RASGRP4: variants seen among roughly 807,000 people sequenced by gnomAD.
RASGRP4 encodes the protein RAS guanyl-releasing protein 4.
In RASGRP4, 52 loss-of-function variants were observed where a neutral mutation model predicts 84.4. The observed-to-expected ratio is 0.62, with a 90% CI of 0.49 to 0.78. The LOEUF is 0.78. Among genes scored for constraint, RASGRP4 ranks in the 30% least tolerant of loss-of-function variants. The pLI is 0.00. For missense variants in RASGRP4, 760 were observed against 886.9 expected (o/e 0.86, Z 1.82); for synonymous variants, 356 against 359.1 (o/e 0.99, Z 0.10).
At position 38,420,228 on chromosome 19, in the gene RASGRP4, G is replaced by A; in HGVS notation, c.412C>T (p.Gln138Ter). The A allele has an allele frequency of 1.2e-6, 2 of 1,613,176 alleles. No individual in the cohort carries two copies. Among genetic ancestry groups the A allele is most frequent in the Non-Finnish European group, 1.7e-6 (2 of 1,179,562 alleles). The stretch of plus-strand genomic sequence containing the variant: ...ATGACTTCTTCTAGCTGGGGATCCT[G>A]GTGCATCACCTCAGGGTGTCGCATC... ...WLMRHPEVMH[Q>*]DPQLEEVIGR... Residue 138 changes from glutamine (Q) to a stop codon, truncating the protein, a stop_gained, in exon 5 of 17, where the codon CAG becomes TAG. Coordinates refer to ENST00000615439, the MANE Select transcript of RASGRP4 (RefSeq NM_170604.3). LOFTEE classifies it high-confidence loss of function.
In RASGRP4 at chr19:38,413,381, G is replaced by C. The variant is rs752913931; in HGVS notation, c.1311+13C>G. 3.7e-6 allele frequency: 6 copies of C among 1,608,784 alleles called. No individual in the cohort carries two copies. The highest frequency in any genetic ancestry group is 5.1e-6 in the Non-Finnish European group (6 of 1,177,302). ...GTAATTGGGGGAGTCCGAGGCCAGG[G>C]GTTGGGTCTCACCAGGCTCTTGGGA... On this transcript the variant is annotated intron_variant, in intron 10 of 16. Transcript: ENST00000615439. This position sits in a 1 kb window ranked among gnomAD's most constrained non-coding sequence, Gnocchi z 4.7.
At position 38,412,761 on chromosome 19, in the gene RASGRP4, T is replaced by C; in HGVS notation, c.1591A>G (p.Ile531Val). Residue 531 changes from isoleucine (I) to valine (V), a missense_variant, in exon 13 of 17, where the codon ATC (isoleucine) becomes GTC (valine). Coordinates refer to ENST00000615439, the MANE Select transcript of RASGRP4 (RefSeq NM_170604.3). The surrounding 1 kb of genome is among the most constrained non-coding windows in gnomAD (Gnocchi z 4.6). ...AAGGCCAGGCCCAACTTGGAGCAGA[T>C]GGCGCTGGCCCGGAGCAGGTACCCT... ...LTGYLLRASA[I>V]CSKLGLAFLH... 6.2e-7 allele frequency: 1 copy of C among 1,609,886 alleles called. No individual in the cohort carries two copies. The highest frequency in any genetic ancestry group is 8.5e-7 in the Non-Finnish European group (1 of 1,178,112).
In RASGRP4 at chr19:38,412,680, T is replaced by C; in HGVS notation, c.1672A>G (p.Ser558Gly). Residue 558 changes from serine (S) to glycine (G), a missense_variant, in exon 13 of 17, where the codon AGT (serine) becomes GGT (glycine). Physicochemically the swap from Ser to Gly is moderately conservative, Grantham distance 56. Coordinates refer to ENST00000615439, the MANE Select transcript of RASGRP4 (RefSeq NM_170604.3). This position sits in a 1 kb window ranked among gnomAD's most constrained non-coding sequence, Gnocchi z 4.6. ...FRKPTFCDSC[S>G]GFLWGVTKQG... ...TGGGGTGGGGTGCTCACGAAGCCAC[T>C]GCAGCTGTCGCAGAAGGTAGGCTTT... 6.2e-7 allele frequency: 1 copy of C among 1,613,208 alleles called. No homozygotes were observed. Among genetic ancestry groups the C allele is most frequent in the Non-Finnish European group, 8.5e-7 (1 of 1,179,598 alleles).
At position 38,412,598 on chromosome 19, in the gene RASGRP4, G is replaced by T. The variant is rs1600547700; in HGVS notation, c.1680+74C>A. The T allele has an allele frequency of 1.4e-6, 2 of 1,416,706 alleles. No homozygotes were observed. The highest frequency in any genetic ancestry group is 4.6e-5 in the East Asian group (2 of 43,316). The allele number at this position is 1,416,706 out of a possible 1,614,324, so 87.8% of individuals were successfully genotyped here. A position where few individuals can be genotyped will look rare whatever the true frequency, so the allele number is the denominator to read the frequency against. On this transcript the variant is annotated intron_variant, in intron 13 of 16. Transcript: ENST00000615439. This position sits in a 1 kb window ranked among gnomAD's most constrained non-coding sequence, Gnocchi z 4.6. The stretch of plus-strand genomic sequence containing the variant: ...GCTGGAGGATTTCTGGAATTTGGGG[G>T]TTATCTGGGGTTTGCGGACTGCCGG...
At position 38,413,410 on chromosome 19, in the gene RASGRP4, C is replaced by T. The variant is rs757409206; in HGVS notation, c.1295G>A (p.Arg432His). The T allele has an allele frequency of 8.7e-6, 14 of 1,608,566 alleles. No individual in the cohort carries two copies. Among genetic ancestry groups the T allele is most frequent in the East Asian group, 2.2e-5 (1 of 44,688 alleles). The stretch of plus-strand genomic sequence containing the variant: ...GGGTCTCACCAGGCTCTTGGGACAA[C>T]GCGGCTCCCGGGCATAAGAAAGCTC... ...IYELSYAREP[R>H]CPKSLPPSPF... The change falls in exon 10 of 17, where the codon CGT becomes CAT. Residue 432 changes from arginine (R) to histidine (H), a missense_variant. By Grantham distance (29) the Arg-to-His change is conservative (BLOSUM62 0). Transcript: ENST00000615439. This position sits in a 1 kb window ranked among gnomAD's most constrained non-coding sequence, Gnocchi z 4.7.
chr19:38,424,159 A>G lies in RASGRP4; in HGVS notation c.23+1910T>C, dbSNP rs1971885384. Among the ~76,000 whole-genome samples the G allele has an allele frequency of 1.3e-5, 2 of 151,448 alleles. 1 individual carries two copies. The highest frequency in any genetic ancestry group is 3.9e-4 in the East Asian group (2 of 5,094). On this transcript the variant is annotated intron_variant, in intron 1 of 16. Coordinates refer to ENST00000615439, the MANE Select transcript of RASGRP4 (RefSeq NM_170604.3). Reference sequence around the variant, plus strand: ...TTTGGAGACAGGGTCTCACTCTGTCACCCAGGCTGGAGTGCAGTGGTGCGA... The same window carrying G: ...TTTGGAGACAGGGTCTCACTCTGTCGCCCAGGCTGGAGTGCAGTGGTGCGA...
intron 16 of RASGRP4, 71 bp downstream of exon 16, chr19:38,410,815 G>A: frequency 8.9e-7 from 1 of 1,123,782 alleles, no homozygotes. Flanking sequence ...CTCCAAATCT[G>A]TCCAGTCTTC....
Position 38,409,737 on chromosome 19 carries a change from CAAA to C in RASGRP4, c.*300_*302del. The C allele has an allele frequency of 1.7e-5, 3 of 181,192 alleles. No homozygotes were observed. The highest frequency in any genetic ancestry group is 6.9e-5 in the Admixed American group (1 of 14,402). The allele number at this position is 181,192 out of a possible 1,614,324, so 11.2% of individuals were successfully genotyped here. On this transcript the variant is annotated 3_prime_UTR_variant, in exon 17 of 17. Transcript: ENST00000615439. Reference sequence around the variant, plus strand: ...TGGGTGACAGAGCAAGACTCTGTCTCAAAAAAAAAAAGAAATGGAGATGTAGGG... The same window carrying C: ...TGGGTGACAGAGCAAGACTCTGTCTCAAAAAAAAGAAATGGAGATGTAGGG...
rs370210961 is a variant in RASGRP4, at chr19:38,411,157, C to T, written c.1810G>A (p.Gly604Arg). Reference sequence around the variant, plus strand: ...GCTGGTGTGGATGGGACAGGAGCTCCGGGGGGTCCTGCATCGCCCTTGGCC... The same window carrying T: ...GCTGGTGTGGATGGGACAGGAGCTCTGGGGGGTCCTGCATCGCCCTTGGCC... ...PGAKGDAGPP[G>R]APVPSTPAPH... Residue 604 changes from glycine to arginine, a missense_variant, in exon 15 of 17, where the codon GGA (glycine) becomes AGA (arginine). Transcript: ENST00000615439. The T allele has an allele frequency of 2.1e-5, 34 of 1,613,704 alleles. No homozygotes were observed. Among genetic ancestry groups the T allele is most frequent in the East Asian group, 1.8e-4 (8 of 44,898 alleles).
chr19:38,422,581 C>T (rs1971807535), intron 1 of RASGRP4, among the ~76,000 whole-genome samples: 1 of 151,998 alleles, frequency 6.6e-6, no homozygotes. Context: ...ACTTCACATG[C>T]GAGGGATCTA....
In RASGRP4 at chr19:38,415,029, A is replaced by G. The variant is rs745433120; in HGVS notation, c.1049T>C (p.Val350Ala). The change falls in exon 9 of 17, where the codon GTA (valine) becomes GCA (alanine). Residue 350 changes from valine (V) to alanine (A), a missense_variant. Val to Ala is a moderately conservative substitution (Grantham distance 64). Coordinates refer to ENST00000615439, the MANE Select transcript of RASGRP4 (RefSeq NM_170604.3). The stretch of plus-strand genomic sequence containing the variant: ...CAGGTCCTTGAGGTGCACGCCCAGT[A>G]CAGGCAGCCGGAAACCCGCGCAGCC... ...WAGCAGFRLP[V>A]LGVHLKDLVS... 1 of 1,610,462 alleles carries G rather than the reference A, an allele frequency of 6.2e-7. No homozygotes were observed. The highest frequency in any genetic ancestry group is 1.1e-5 in the South Asian group (1 of 90,522).
chr19:38,409,454 C>T lies in RASGRP4; in HGVS notation c.*586G>A, dbSNP rs1040315470. On this transcript the variant is annotated 3_prime_UTR_variant, in exon 17 of 17. Coordinates refer to ENST00000615439, the MANE Select transcript of RASGRP4 (RefSeq NM_170604.3). ...AGGGAGCACATTCTATGCAGAAAAA[C>T]AGGAGCTGGGCGTGGTGGCTCACGC... 1 of 152,158 alleles carries T rather than the reference C, an allele frequency of 6.6e-6. No individual in the cohort carries two copies. The highest frequency in any genetic ancestry group is 2.4e-5 in the African/African-American group (1 of 41,342). The allele number at this position is 152,158 out of a possible 1,614,324, so 9.4% of individuals were successfully genotyped here.
In RASGRP4 at chr19:38,417,183, A is replaced by G. The variant is rs1330052960; in HGVS notation, c.838-15T>C. On this transcript the variant is annotated splice_polypyrimidine_tract_variant and intron_variant, in intron 7 of 16. Coordinates refer to ENST00000615439, the MANE Select transcript of RASGRP4 (RefSeq NM_170604.3). This position sits in a 1 kb window ranked among gnomAD's most constrained non-coding sequence, Gnocchi z 5.1. Reference sequence around the variant, plus strand: ...TGGTGGAGCCTCTAGGAAGAGAAGCATGCACACAGGGCCGTCACGGGAGGG... The same window carrying G: ...TGGTGGAGCCTCTAGGAAGAGAAGCGTGCACACAGGGCCGTCACGGGAGGG... The G allele has an allele frequency of 2.6e-6, 4 of 1,519,248 alleles. No individual in the cohort carries two copies. Among genetic ancestry groups the G allele is most frequent in the South Asian group, 1.2e-5 (1 of 83,436 alleles). The allele number at this position is 1,519,248 out of a possible 1,614,324, so 94.1% of individuals were successfully genotyped here.
chr19:38,422,176 G>A, intron 1 of RASGRP4, 23 bp from the exon 2 acceptor site: 1 of 1,589,042 alleles, frequency 6.3e-7, no homozygotes, highest in Non-Finnish European at 8.6e-7. Flanking sequence ...CCCCCAAGGA[G>A]TCATGGGAGC....
chr19:38,410,947 C>T lies in RASGRP4; in HGVS notation c.1904G>A (p.Cys635Tyr), dbSNP rs751062755. Residue 635 changes from cysteine (C) to tyrosine (Y), a missense_variant, in exon 16 of 17, where the codon TGC becomes TAC. Cys to Tyr is a radical substitution (Grantham distance 194). Coordinates refer to ENST00000615439, the MANE Select transcript of RASGRP4 (RefSeq NM_170604.3). ...CTGGGTCCAGGCATGGCGAAGCTGG[C>T]ACCCAGTCTCAGGCTCCAGGGATAG... ...YTLSLEPETG[C>Y]QLRHAWTQTE... 8 of 1,603,948 alleles carry T rather than the reference C, an allele frequency of 5.0e-6. No homozygotes were observed. The highest frequency in any genetic ancestry group is 6.0e-6 in the Non-Finnish European group (7 of 1,175,332).
In RASGRP4 at chr19:38,413,420, G is replaced by A. The variant is rs551041567; in HGVS notation, c.1285C>T (p.Arg429Trp). 1.4e-5 allele frequency: 23 copies of A among 1,607,868 alleles called. No individual in the cohort carries two copies. The highest frequency in any genetic ancestry group is 4.5e-5 in the East Asian group (2 of 44,628). The change falls in exon 10 of 17, where the codon CGG becomes TGG. Residue 429 changes from arginine (R) to tryptophan (W), a missense_variant. Coordinates refer to ENST00000615439, the MANE Select transcript of RASGRP4 (RefSeq NM_170604.3). The surrounding 1 kb of genome is among the most constrained non-coding windows in gnomAD (Gnocchi z 4.7). Reference protein sequence around the residue: ...EDEIYELSYAREPRCPKSLPP... With the variant: ...EDEIYELSYAWEPRCPKSLPP... ...AGGCTCTTGGGACAACGCGGCTCCC[G>A]GGCATAAGAAAGCTCATAGATCTCG...
intron 1 of RASGRP4, 130 bp from the exon 2 acceptor site, chr19:38,422,283 T>G (rs1971792597): frequency 1.3e-6 from 1 of 773,082 alleles, no homozygotes; most frequent in Admixed American, 3.0e-5. Flanking sequence ...GGGTTACCCC[T>G]GACCTACCAG....
rs75203827 is a variant in RASGRP4, at chr19:38,413,412, C to T, written c.1293G>A (p.Pro431=). The change falls in exon 10 of 17, where the codon CCG becomes CCA. Residue 431 remains proline, a synonymous_variant. Transcript: ENST00000615439. This position sits in a 1 kb window ranked among gnomAD's most constrained non-coding sequence, Gnocchi z 4.7. The part of the protein sequence containing the change: ...EIYELSYARE[P]RCPKSLPPSP... ...GTCTCACCAGGCTCTTGGGACAACG[C>T]GGCTCCCGGGCATAAGAAAGCTCAT... 1.2e-5 allele frequency: 20 copies of T among 1,608,128 alleles called. No homozygotes were observed. The highest frequency in any genetic ancestry group is 8.5e-5 in the Admixed American group (5 of 59,016).
Position 38,409,963 on chromosome 19 carries a change from GCC to G in RASGRP4, c.*75_*76del. ...TGCCTCTGGAGGCCTACCTCTGGGA[GCC>G]CTGCCAGAGTCTGACGGCAGGACTC... On this transcript the variant is annotated 3_prime_UTR_variant, in exon 17 of 17. Transcript: ENST00000615439. 1 of 1,212,996 alleles carries G rather than the reference GCC, an allele frequency of 8.2e-7. No homozygotes were observed. The highest frequency in any genetic ancestry group is 1.4e-5 in the South Asian group (1 of 72,652). 75.1% of individuals were successfully genotyped at this position (1,212,996 alleles called of 1,614,324 possible).
Sources: allele counts gnomAD v4.1 joint callset (sites outside exome capture counted in the v4.1 genomes callset), GRCh38; gene constraint gnomAD v4.1.1; non-coding constraint Gnocchi (gnomAD v3.1); transcripts MANE v1.5; gene names NCBI Gene and HGNC (gene_info 2026-07-23, HGNC 2026-07-21).